Variants in GRIP1 observed in about 807,000 individuals in gnomAD.
GRIP1 encodes the protein glutamate receptor interacting protein 1, also known as glutamate receptor-interacting protein 1.
In GRIP1, 45 loss-of-function variants were observed where a neutral mutation model predicts 129.9. The ratio of observed to expected loss-of-function variants is 0.35; its 90% CI spans 0.27 to 0.44. The LOEUF is 0.44. Ranked by LOEUF, GRIP1 falls within the 20% of genes least tolerant of loss-of-function variation. The probability of loss-of-function intolerance (pLI) is 1.00; values close to 1 mark genes in which losing one functional copy is unlikely to be tolerated. For synonymous variants in GRIP1, 530 were observed against 520.8 expected (o/e 1.02, Z -0.24); for missense variants, 1,196 against 1,396.8 (o/e 0.86, Z 2.29).
intron 7 of GRIP1, among the ~76,000 whole-genome samples, chr12:66,510,774 T>C (rs985324055): frequency 1.2e-4 from 18 of 151,966 alleles, no homozygotes; most frequent in African/African-American, 4.3e-4. Flanking sequence ...TGTACACACA[T>C]ACACCACACA....
At chr12:66,939,915 A>G (rs1162951483) in intron 1 of GRIP1, among the ~76,000 whole-genome samples, 1 of 152,216 alleles carries the variant, frequency 6.6e-6, no homozygotes, top group Non-Finnish European at 1.5e-5. Flanking sequence ...ACTATAATAA[A>G]GTGAAACAAG....
At chr12:66,525,460 G>T in intron 5 of GRIP1, among the ~76,000 whole-genome samples, 1 of 152,034 alleles carries the variant, frequency 6.6e-6, no homozygotes, top group Non-Finnish European at 1.5e-5. Flanking sequence ...TGCAGAAAAG[G>T]CCTTTGACAA....
intron 6 of GRIP1, among the ~76,000 whole-genome samples, chr12:66,517,002 T>C (rs1419139946): frequency 6.6e-6 from 1 of 152,174 alleles, no homozygotes; most frequent in African/African-American, 2.4e-5. Flanking sequence ...TAAGATAATG[T>C]CCACCAAGCC....
At chr12:66,846,410 C>T (rs1205630152) in intron 1 of GRIP1, among the ~76,000 whole-genome samples, 2 of 152,138 alleles carry the variant, frequency 1.3e-5, no homozygotes, top group African/African-American at 4.8e-5. Flanking sequence ...TTTCTCTTAT[C>T]CCCAGTATCT....
chr12:66,566,579 C>CT (rs1483880055), intron 2 of GRIP1, among the ~76,000 whole-genome samples: 1 of 151,998 alleles, frequency 6.6e-6, no homozygotes, highest in Non-Finnish European at 1.5e-5. Context: ...GTCTAAAATT[C>CT]TTTTTTGTTG....
At chr12:66,570,452 A>G (rs1002786755) in intron 2 of GRIP1, among the ~76,000 whole-genome samples, 4 of 152,138 alleles carry the variant, frequency 2.6e-5, no homozygotes, top group African/African-American at 4.8e-5. Context: ...CCAAATAGGC[A>G]TATCTCTAAG....
At chr12:67,023,484 T>A (rs1719592724) in intron 1 of GRIP1, among the ~76,000 whole-genome samples, 1 of 152,198 alleles carries the variant, frequency 6.6e-6, no homozygotes, top group Non-Finnish European at 1.5e-5. Context: ...TTCCTTTGAT[T>A]TATTTGTCTT....
At chr12:66,570,389 G>C (rs1343249155) in intron 2 of GRIP1, among the ~76,000 whole-genome samples, 2 of 152,136 alleles carry the variant, frequency 1.3e-5, no homozygotes, top group Non-Finnish European at 2.9e-5. Flanking sequence ...GATTAGAGAG[G>C]CATGAGCCAC....
In GRIP1 at chr12:66,580,086, C is replaced by G. The variant is rs528484933; in HGVS notation, c.136+16761G>C. Among the ~76,000 whole-genome samples, 912 of 148,872 alleles carry G rather than the reference C, an allele frequency of 6.1e-3. 7 individuals are homozygous for G. The highest frequency in any genetic ancestry group is 0.021 in the African/African-American group (855 of 40,130). Reference sequence around the variant, plus strand: ...GGCAGAAACTCTACAAGCCAGAAGACAGTGGGGGCCAATATTCAACATTCT... The same window carrying G: ...GGCAGAAACTCTACAAGCCAGAAGAGAGTGGGGGCCAATATTCAACATTCT... On this transcript the variant is annotated intron_variant, in intron 2 of 24. Coordinates refer to ENST00000359742, the MANE Select transcript of GRIP1 (RefSeq NM_001366722.1).
At chr12:66,751,141 A>G (rs1011992304) in intron 1 of GRIP1, among the ~76,000 whole-genome samples, 1 of 152,230 alleles carries the variant, frequency 6.6e-6, no homozygotes, top group Non-Finnish European at 1.5e-5. Flanking sequence ...GGAACTCTGC[A>G]GGGTTCTTAT....
chr12:66,451,383 G>GTTTTTTTTTTTTTTTTTTTT lies in GRIP1; in HGVS notation c.1354+4006_1354+4025dup, dbSNP rs1169331519. On this transcript the variant is annotated intron_variant, in intron 11 of 24. Coordinates refer to ENST00000359742, the MANE Select transcript of GRIP1 (RefSeq NM_001366722.1). ...CCCCAAAGATTTATTATTATAATCT[G>GTTTTTTTTTTTTTTTTTTTT]TTTTTTTTTTTTTTTTTTTTTTTTT... Among the ~76,000 whole-genome samples the GTTTTTTTTTTTTTTTTTTTT allele has an allele frequency of 4.0e-4, 17 of 42,656 alleles. 4 individuals are homozygous for GTTTTTTTTTTTTTTTTTTTT. Among genetic ancestry groups the GTTTTTTTTTTTTTTTTTTTT allele is most frequent in the Non-Finnish European group, 5.4e-4 (13 of 23,900 alleles). 28.0% of individuals were successfully genotyped at this position (42,656 alleles called of 152,430 possible).
chr12:66,815,849 T>TC (rs1491502129), intron 1 of GRIP1, among the ~76,000 whole-genome samples: 11,409 of 69,174 alleles, frequency 0.16, 656 homozygotes, highest in Non-Finnish European at 0.28. Flanking sequence ...TCTTTCTTTC[T>TC]TTCTTTCTCT....
chr12:66,825,615 T>A (rs2039396684), intron 1 of GRIP1, among the ~76,000 whole-genome samples: 1 of 152,152 alleles, frequency 6.6e-6, no homozygotes, highest in Non-Finnish European at 1.5e-5. Flanking sequence ...AGTACCTTCA[T>A]CCCTAGCTGC....
intron 1 of GRIP1, among the ~76,000 whole-genome samples, chr12:66,895,397 C>T (rs2040730016): frequency 6.6e-6 from 1 of 152,206 alleles, no homozygotes; most frequent in South Asian, 2.1e-4. Context: ...TTGCCTTCCA[C>T]CATGATTGTG....
At chr12:66,444,944 G>A (rs2058579559) in intron 12 of GRIP1, among the ~76,000 whole-genome samples, 1 of 152,188 alleles carries the variant, frequency 6.6e-6, no homozygotes, top group African/African-American at 2.4e-5. Flanking sequence ...GTATCCCAGA[G>A]AAGTAATTAA....
At chr12:66,397,236 G>A (rs2056827461) in intron 16 of GRIP1, among the ~76,000 whole-genome samples, 1 of 151,876 alleles carries the variant, frequency 6.6e-6, no homozygotes, top group Non-Finnish European at 1.5e-5. Context: ...TATTGGCCAG[G>A]CGCAGTGGCT....
chr12:66,380,716 T>C (rs2056066726), intron 19 of GRIP1, among the ~76,000 whole-genome samples: 1 of 152,300 alleles, frequency 6.6e-6, no homozygotes, highest in South Asian at 2.1e-4. Flanking sequence ...TGATGGGGTA[T>C]GTGGTTCTTT....
chr12:66,761,763 T>A (rs1413738482), intron 1 of GRIP1, among the ~76,000 whole-genome samples: 1 of 152,184 alleles, frequency 6.6e-6, no homozygotes, highest in Non-Finnish European at 1.5e-5. Flanking sequence ...GTTAATAAGC[T>A]GGGTTCTGAA....
intron 11 of GRIP1, among the ~76,000 whole-genome samples, chr12:66,454,564 T>C (rs1253699557): frequency 6.6e-6 from 1 of 151,964 alleles, no homozygotes. Context: ...AATGTAGGAG[T>C]GATTTATATT....
Sources: gnomAD v4.1 joint callset for allele counts (sites outside exome capture counted in the v4.1 genomes callset) on GRCh38, gnomAD v4.1.1 for gene constraint, MANE v1.5 for transcripts, NCBI Gene and HGNC (gene_info 2026-07-23, HGNC 2026-07-21) for gene names.